The following RAB44 variants were observed in gnomAD, a reference collection of about 807,000 sequenced individuals.
The protein encoded by RAB44 is RAB44, member RAS oncogene family, also known as ras-related protein Rab-44.
A neutral mutation model predicts 93.3 loss-of-function variants in RAB44; 67 were observed. The observed-to-expected ratio is 0.72, with a 90% CI of 0.59 to 0.88. The LOEUF (loss-of-function observed/expected upper bound fraction) is 0.88, where lower values mean the gene tolerates loss of function less well. Ranked by LOEUF, RAB44 falls within the 40% of genes least tolerant of loss-of-function variation. RAB44 has a pLI of 0.00. For synonymous variants in RAB44, 427 were observed against 520.3 expected (o/e 0.82, Z 2.44); for missense variants, 1,064 against 1,261.7 (o/e 0.84, Z 2.37).
intron 2 of RAB44, among the ~76,000 whole-genome samples, chr6:36,711,665 A>G (rs1487138448): frequency 6.6e-6 from 1 of 152,232 alleles, no homozygotes; most frequent in Non-Finnish European, 1.5e-5. Flanking sequence ...ACCAATCAAC[A>G]CAGAACTCCT....
chr6:36,717,580 G>A lies in RAB44; in HGVS notation c.641+161G>A, dbSNP rs1188489100. On this transcript the variant is annotated intron_variant, in intron 5 of 13. Transcript: ENST00000612677. This position sits in a 1 kb window ranked among gnomAD's most constrained non-coding sequence, Gnocchi z 4.1. ...GAGGTGGCTCAGGGGACCGGGTGGG[G>A]AGGACAGAGTTGGTAATGGCAGGAG... Among the ~76,000 whole-genome samples the A allele has an allele frequency of 6.6e-6, 1 of 152,238 alleles. No homozygotes were observed. Among genetic ancestry groups the A allele is most frequent in the Admixed American group, 6.5e-5 (1 of 15,286 alleles).
intron 2 of RAB44, among the ~76,000 whole-genome samples, chr6:36,706,237 A>G (rs1214590733): frequency 2.0e-5 from 3 of 151,184 alleles, no homozygotes; most frequent in African/African-American, 7.3e-5. Flanking sequence ...TGTTCTATTG[A>G]GTGACCAACT....
rs147576046 is a variant in RAB44, at chr6:36,702,473, A to T, written c.-12-1751A>T. Among the ~76,000 whole-genome samples, 41 of 152,320 alleles carry T rather than the reference A, an allele frequency of 2.7e-4. No individual in the cohort carries two copies. In the East Asian group the frequency reaches 6.9e-3, roughly 26 times the overall value. On this transcript the variant is annotated intron_variant, in intron 1 of 13. Coordinates refer to ENST00000612677, the MANE Select transcript of RAB44 (RefSeq NM_001257357.2). ...TGGAATGACCCCCTGGAATGAGCCC[A>T]TGAGGCCTAAAGCAGAGCCCTCTAA...
chr6:36,727,988 T>C (rs1763278372), intron 11 of RAB44, among the ~76,000 whole-genome samples: 1 of 152,248 alleles, frequency 6.6e-6, no homozygotes, highest in African/African-American at 2.4e-5. Context: ...GTAGTTCTTG[T>C]GCCATTCCAT....
intron 10 of RAB44, 104 bp downstream of exon 10, chr6:36,726,047 C>G (rs1000864596): frequency 8.0e-6 from 7 of 874,998 alleles, no homozygotes; most frequent in East Asian, 5.4e-5. Flanking sequence ...CAACTGCCCC[C>G]CAAGGATTCA....
At chr6:36,729,949 A>G (rs1318860297) in intron 12 of RAB44, among the ~76,000 whole-genome samples, 2 of 152,266 alleles carry the variant, frequency 1.3e-5, no homozygotes, top group African/African-American at 2.4e-5. Flanking sequence ...AATATTATTT[A>G]TAAGAACAAA....
intron 1 of RAB44, among the ~76,000 whole-genome samples, chr6:36,701,960 C>T (rs888211077): frequency 5.3e-5 from 8 of 152,090 alleles, no homozygotes; most frequent in Admixed American, 2.6e-4. Context: ...TGGATTGCAG[C>T]GGGCCTGCTT....
intron 4 of RAB44, among the ~76,000 whole-genome samples, chr6:36,715,874 A>G (rs980238347): frequency 1.3e-5 from 2 of 152,056 alleles, no homozygotes; most frequent in Non-Finnish European, 2.9e-5. Flanking sequence ...TGGGGTTAAA[A>G]CCACGTGCAG....
chr6:36,715,414 G>C (rs964743813), intron 3 of RAB44, 65 bp from the exon 4 acceptor site: 4 of 1,463,760 alleles, frequency 2.7e-6, no homozygotes, highest in Non-Finnish European at 3.7e-6. Context: ...ACCAGGGCTG[G>C]GTGGGAGGCC....
chr6:36,706,478 G>T (rs1402622413), intron 2 of RAB44, among the ~76,000 whole-genome samples: 1 of 152,126 alleles, frequency 6.6e-6, no homozygotes, highest in Non-Finnish European at 1.5e-5. Flanking sequence ...TCTTCTGCCA[G>T]GAAGCAATCC....
intron 7 of RAB44, among the ~76,000 whole-genome samples, chr6:36,719,888 G>A (rs1763026921): frequency 6.6e-6 from 1 of 152,224 alleles, no homozygotes; most frequent in Admixed American, 6.5e-5. Flanking sequence ...GGGTCATGAG[G>A]GGAGGTGAGG....
intron 4 of RAB44, among the ~76,000 whole-genome samples, chr6:36,715,956 C>T (rs1762909806): frequency 1.3e-5 from 2 of 152,194 alleles, no homozygotes; most frequent in African/African-American, 4.8e-5. Context: ...TAGGGTCACT[C>T]TCCAGGAGGA....
At position 36,731,551 on chromosome 6, in the gene RAB44, C is replaced by CGGCA. The variant is rs896404739; in HGVS notation, c.2976-451_2976-448dup. 1.2e-4 allele frequency among the ~76,000 whole-genome samples: 19 copies of CGGCA among 152,162 alleles called. No individual in the cohort carries two copies. Among genetic ancestry groups the CGGCA allele is most frequent in the African/African-American group, 4.6e-4 (19 of 41,436 alleles). ...TGCTTCCCCAGCCTCCAAGCTCTCT[C>CGGCA]GGCACTGAGCCGCGCCATGGCCCTC... On this transcript the variant is annotated intron_variant, in intron 13 of 13. Transcript: ENST00000612677. The surrounding 1 kb of genome is among the most constrained non-coding windows in gnomAD (Gnocchi z 4.0).
At chr6:36,715,756 A>G in intron 4 of RAB44, 103 bp downstream of exon 4, 5 of 1,222,420 alleles carry the variant, frequency 4.1e-6, no homozygotes, top group Non-Finnish European at 5.6e-6. Flanking sequence ...CGCCAGGTAG[A>G]GCCAAGTGCA....
rs534080780 is a variant in RAB44 at position 36,725,710 on chromosome 6, A to G, written c.2600-152A>G. 4 of 628,226 alleles carry G rather than the reference A, an allele frequency of 6.4e-6. No homozygotes were observed. The African/African-American group carries it at 7.2e-5, about 11-fold the overall frequency. The allele number at this position is 628,226 out of a possible 1,614,324, so 38.9% of individuals were successfully genotyped here. ...TCTTGGAGGAAGTGGGTCCTCGAGT[A>G]TGGATGGGATGCAGAGCCGAGGGGA... On this transcript the variant is annotated intron_variant, in intron 9 of 13. Coordinates refer to ENST00000612677, the MANE Select transcript of RAB44 (RefSeq NM_001257357.2).
intron 2 of RAB44, among the ~76,000 whole-genome samples, chr6:36,711,705 T>C (rs1754556263): frequency 6.6e-6 from 1 of 152,230 alleles, no homozygotes; most frequent in Non-Finnish European, 1.5e-5. Flanking sequence ...AAGTTATTAA[T>C]ACCTTCCAGA....
intron 11 of RAB44, 86 bp downstream of exon 11, chr6:36,727,777 A>C (rs1763274607): frequency 1.0e-5 from 9 of 880,528 alleles, no homozygotes; most frequent in Non-Finnish European, 1.7e-5. Context: ...TTCTCCCAGG[A>C]TTACAAATGA....
Position 36,721,699 on chromosome 6 carries a change from T to C in RAB44, c.1565T>C (p.Ile522Thr). ...GCCCCAGCTGGGTCCAGCAAACAGATCCAGGCCTCAGACCCAGATGACAAG... is the reference window on the plus strand; with the variant it reads ...GCCCCAGCTGGGTCCAGCAAACAGACCCAGGCCTCAGACCCAGATGACAAG... ...PQAPAGSSKQ[I>T]QASDPDDKGP... The change falls in exon 9 of 14, where the codon ATC becomes ACC. Residue 522 changes from isoleucine (I) to threonine (T), a missense_variant. Coordinates refer to ENST00000612677, the MANE Select transcript of RAB44 (RefSeq NM_001257357.2). 1 of 1,234,090 alleles carries C rather than the reference T, an allele frequency of 8.1e-7. No individual in the cohort carries two copies. The highest frequency in any genetic ancestry group is 1.0e-6 in the Non-Finnish European group (1 of 988,162). 76.4% of individuals were successfully genotyped at this position (1,234,090 alleles called of 1,614,324 possible).
chr6:36,723,784 GA>G (rs1003783647), intron 9 of RAB44, among the ~76,000 whole-genome samples: 1 of 137,454 alleles, frequency 7.3e-6, no homozygotes, highest in Non-Finnish European at 1.5e-5. Flanking sequence ...GCAGTGAGTC[GA>G]GATCGCACCA....
Sources: gnomAD v4.1 joint callset for allele counts (sites outside exome capture counted in the v4.1 genomes callset) on GRCh38, gnomAD v4.1.1 for gene constraint, Gnocchi (gnomAD v3.1) non-coding constraint, MANE v1.5 for transcripts, NCBI Gene and HGNC (gene_info 2026-07-23, HGNC 2026-07-21) for gene names.